ADAMTS9: variants seen among roughly 807,000 people sequenced by gnomAD.
ADAMTS9 encodes ADAM metallopeptidase with thrombospondin type 1 motif 9, also known as A disintegrin and metalloproteinase with thrombospondin motifs 9.
Under a neutral mutation model 257.1 loss-of-function variants are expected in ADAMTS9, and 107 were observed. The observed-to-expected ratio is 0.42, with a 90% confidence interval of 0.36 to 0.49. ADAMTS9 has a LOEUF of 0.49. ADAMTS9 is among the 20% of genes least tolerant of loss of function. The pLI, the probability that ADAMTS9 is intolerant of heterozygous loss-of-function variation, is 0.03. For synonymous variants in ADAMTS9, 982 were observed against 880.9 expected (o/e 1.11, Z -2.03); for missense variants, 2,353 against 2,469.1 (o/e 0.95, Z 1.00).
chr3:64,668,338 C>T (rs1325300451), intron 3 of ADAMTS9, among the ~76,000 whole-genome samples: 1 of 152,170 alleles, frequency 6.6e-6, no homozygotes, highest in African/African-American at 2.4e-5. Context: ...GTGACACTAG[C>T]CACATCTCAA....
At chr3:64,561,813 G>GGT in intron 29 of ADAMTS9, 62 bp from the exon 30 acceptor site, 10 of 1,149,900 alleles carry the variant, frequency 8.7e-6, no homozygotes, top group Admixed American at 6.1e-5. Flanking sequence ...GGGGCGGGGG[G>GGT]TGTCGAGGGT....
chr3:64,686,997 C>T lies in ADAMTS9; in HGVS notation c.116-29G>A, dbSNP rs766200932. 6.3e-7 allele frequency: 1 copy of T among 1,580,322 alleles called. No individual in the cohort carries two copies. Among genetic ancestry groups the T allele is most frequent in the South Asian group, 1.2e-5 (1 of 85,712 alleles). On this transcript the variant is annotated intron_variant, in intron 1 of 39. Transcript: ENST00000498707. This position sits in a 1 kb window ranked among gnomAD's most constrained non-coding sequence, Gnocchi z 4.6. Reference sequence around the variant, plus strand: ...CGGAGAGAAGCAGAGGTATATGAACCAATAATTCATTTTTCCTTAAGCTTT... The same window carrying T: ...CGGAGAGAAGCAGAGGTATATGAACTAATAATTCATTTTTCCTTAAGCTTT...
intron 29 of ADAMTS9, among the ~76,000 whole-genome samples, chr3:64,563,578 A>C (rs933279999): frequency 4.6e-5 from 7 of 152,228 alleles, no homozygotes; most frequent in Non-Finnish European, 1.0e-4. Context: ...GTAATTGAAA[A>C]AATTACTTAT....
intron 38 of ADAMTS9, chr3:64,522,465 G>C: frequency 4.6e-6 from 2 of 437,410 alleles, no homozygotes; most frequent in Non-Finnish European, 8.1e-6. Context: ...GTTTCTGTAT[G>C]GCTTGCAAGC....
chr3:64,539,408 G>T, intron 36 of ADAMTS9, 114 bp from the exon 37 acceptor site: 1 of 850,690 alleles, frequency 1.2e-6, no homozygotes, highest in Non-Finnish European at 1.9e-6. Context: ...AAGAGGGAAT[G>T]GGAGAGAAAG....
chr3:64,625,011 C>T (rs760948166), intron 16 of ADAMTS9, among the ~76,000 whole-genome samples: 3 of 152,012 alleles, frequency 2.0e-5, no homozygotes, highest in Non-Finnish European at 4.4e-5. Flanking sequence ...TAGAGAAAGG[C>T]CCCCCCTTAC....
intron 28 of ADAMTS9, among the ~76,000 whole-genome samples, chr3:64,572,972 G>C (rs1302085489): frequency 6.6e-6 from 1 of 151,708 alleles, no homozygotes; most frequent in Non-Finnish European, 1.5e-5. Flanking sequence ...CAGCTACTCA[G>C]GAGGCTGAGG....
intron 25 of ADAMTS9, among the ~76,000 whole-genome samples, chr3:64,603,648 G>A (rs1183223622): frequency 1.3e-5 from 2 of 152,148 alleles, no homozygotes; most frequent in African/African-American, 4.8e-5. Flanking sequence ...TGAAGACTGG[G>A]ATTTCTGATC....
intron 31 of ADAMTS9, among the ~76,000 whole-genome samples, chr3:64,549,843 G>A (rs760785968): frequency 1.3e-5 from 2 of 152,204 alleles, no homozygotes; most frequent in African/African-American, 4.8e-5. Context: ...AGGATAGGGC[G>A]AGATAATTAG....
At chr3:64,517,614 T>A (rs1267659810) in intron 39 of ADAMTS9, among the ~76,000 whole-genome samples, 1 of 151,562 alleles carries the variant, frequency 6.6e-6, no homozygotes, top group Non-Finnish European at 1.5e-5. Context: ...TTCAGGGAAG[T>A]AATAAACAAT....
At chr3:64,530,059 A>G (rs142266823) in intron 38 of ADAMTS9, among the ~76,000 whole-genome samples, 3,051 of 145,004 alleles carry the variant, frequency 0.021, 36 homozygotes, top group Non-Finnish European at 0.031. Context: ...CCTGGGCTCA[A>G]GCAATCCTCC....
intron 3 of ADAMTS9, among the ~76,000 whole-genome samples, chr3:64,660,195 A>G (rs1340119298): frequency 6.6e-6 from 1 of 152,248 alleles, no homozygotes; most frequent in Admixed American, 6.5e-5. Flanking sequence ...AGAATTGTAC[A>G]ATGAAGAAGT....
intron 18 of ADAMTS9, among the ~76,000 whole-genome samples, chr3:64,621,941 T>A (rs1188629856): frequency 6.6e-6 from 1 of 151,996 alleles, no homozygotes; most frequent in Non-Finnish European, 1.5e-5. Flanking sequence ...AAAATTACAA[T>A]GGCGGAGGTG....
intron 39 of ADAMTS9, among the ~76,000 whole-genome samples, chr3:64,518,254 T>C (rs79290614): frequency 3.5e-4 from 54 of 152,306 alleles, no homozygotes; most frequent in African/African-American, 1.3e-3. Flanking sequence ...TATCTCAGTT[T>C]CTTAAGATAA....
intron 19 of ADAMTS9, among the ~76,000 whole-genome samples, chr3:64,617,317 A>G (rs1326402880): frequency 2.0e-5 from 3 of 152,148 alleles, no homozygotes; most frequent in African/African-American, 7.2e-5. Context: ...CTGGATGAAG[A>G]AGGAAGGTGT....
rs540402229 is a variant in ADAMTS9, at chr3:64,568,331, G to T, written c.4524+37C>A. 1.9e-6 allele frequency: 3 copies of T among 1,574,034 alleles called. No individual in the cohort carries two copies. In the South Asian group the frequency reaches 3.5e-5, roughly 18 times the overall value. On this transcript the variant is annotated intron_variant, in intron 29 of 39. Transcript: ENST00000498707. ...ACTGGGGTCAGCCACGTGGCCAAAC[G>T]TAAGGAAGCAGTCAGTAGAGGAGAA... is the stretch of plus-strand genomic sequence containing the variant.
At chr3:64,672,664 C>A (rs947882978) in intron 3 of ADAMTS9, among the ~76,000 whole-genome samples, 7 of 132,888 alleles carry the variant, frequency 5.3e-5, no homozygotes, top group African/African-American at 8.2e-5. Flanking sequence ...GCCTGGGCAA[C>A]AGAGCAAGAC....
At position 64,551,035 on chromosome 3, in the gene ADAMTS9, T is replaced by C. The variant is rs369848708; in HGVS notation, c.4726A>G (p.Arg1576Gly). Residue 1576 changes from arginine (R) to glycine (G), a missense_variant, in exon 31 of 40, where the codon AGG (arginine) becomes GGG (glycine). Physicochemically the swap from Arg to Gly is moderately radical, Grantham distance 125. Coordinates refer to ENST00000498707, the MANE Select transcript of ADAMTS9 (RefSeq NM_182920.2). ...ECTKTCGEGS[R>G]YRKVVCVDDN... ...TCCACACACACCACCTTGCGGTACC[T>C]GGAGCCTTCGCCGCAGGTCTTGGTG... is the stretch of plus-strand genomic sequence containing the variant. The C allele has an allele frequency of 1.2e-6, 2 of 1,613,990 alleles. No individual in the cohort carries two copies. The highest frequency in any genetic ancestry group is 1.7e-6 in the Non-Finnish European group (2 of 1,180,012).
At chr3:64,621,272 G>A (rs775043001) in intron 18 of ADAMTS9, 32 bp from the exon 19 acceptor site, 13 of 1,592,278 alleles carry the variant, frequency 8.2e-6, no homozygotes, top group Middle Eastern at 1.8e-4. Flanking sequence ...ATTATTCAGG[G>A]AAAATAATCT....
Sources: gnomAD v4.1 joint callset for allele counts (sites outside exome capture counted in the v4.1 genomes callset) on GRCh38, gnomAD v4.1.1 for gene constraint, Gnocchi (gnomAD v3.1) non-coding constraint, MANE v1.5 for transcripts, NCBI Gene and HGNC (gene_info 2026-07-23, HGNC 2026-07-21) for gene names.